Variants in CPAMD8 observed in about 807,000 individuals in gnomAD.
CPAMD8 encodes C3 and PZP like alpha-2-macroglobulin domain containing 8.
A neutral mutation model predicts 224.7 loss-of-function variants in CPAMD8; 146 were observed. The observed-to-expected ratio is 0.65, with a 90% CI of 0.57 to 0.75. CPAMD8 has a LOEUF of 0.75. Among genes scored for constraint, CPAMD8 ranks in the 30% least tolerant of loss-of-function variants. The pLI, the probability that CPAMD8 is intolerant of heterozygous loss-of-function variation, is 0.00. For missense variants in CPAMD8, 2,301 were observed against 2,537.5 expected (o/e 0.91, Z 2.00); for synonymous variants, 966 against 1,044.6 (o/e 0.92, Z 1.45).
At chr19:16,968,241 T>C (rs2054927184) in intron 18 of CPAMD8, among the ~76,000 whole-genome samples, 1 of 152,074 alleles carries the variant, frequency 6.6e-6, no homozygotes, top group Non-Finnish European at 1.5e-5. Context: ...AACTACAGTA[T>C]GAAGCCTAAT....
chr19:17,002,998 G>C (rs1568587651), intron 8 of CPAMD8, among the ~76,000 whole-genome samples: 1 of 150,340 alleles, frequency 6.7e-6, no homozygotes, highest in Non-Finnish European at 1.5e-5. Flanking sequence ...CCTCCTCCTG[G>C]TTCAAGCAAT....
intron 18 of CPAMD8, among the ~76,000 whole-genome samples, chr19:16,962,123 C>A (rs949065328): frequency 6.6e-6 from 1 of 152,188 alleles, no homozygotes; most frequent in Non-Finnish European, 1.5e-5. Context: ...AAAACCTGCG[C>A]GCCTCTTCTC....
At chr19:16,985,207 T>A (rs2055671134) in intron 13 of CPAMD8, among the ~76,000 whole-genome samples, 1 of 152,120 alleles carries the variant, frequency 6.6e-6, no homozygotes, top group Non-Finnish European at 1.5e-5. Flanking sequence ...AATAGATGGA[T>A]GCGTGAATTG....
At chr19:17,016,898 T>G (rs547465566) in intron 3 of CPAMD8, among the ~76,000 whole-genome samples, 1 of 151,644 alleles carries the variant, frequency 6.6e-6, no homozygotes, top group Non-Finnish European at 1.5e-5. Context: ...CTTTTTTTTT[T>G]TTTCTTTTTT....
intron 29 of CPAMD8, among the ~76,000 whole-genome samples, chr19:16,908,222 G>A (rs1224946850): frequency 6.6e-6 from 1 of 152,066 alleles, no homozygotes. Context: ...AGCCAGGCGT[G>A]GTGGTGGGCG....
intron 30 of CPAMD8, among the ~76,000 whole-genome samples, 185 bp downstream of exon 30, chr19:16,906,767 T>A (rs569415097): frequency 6.6e-6 from 1 of 152,222 alleles, no homozygotes; most frequent in Non-Finnish European, 1.5e-5. Flanking sequence ...TGGAGTGCAA[T>A]GGCGCGATCT....
chr19:16,906,391 TTTCTTTCTTTCTTTCTTTCCTTCCTTCC>T (rs1165506384), intron 30 of CPAMD8, among the ~76,000 whole-genome samples: 1 of 78,742 alleles, frequency 1.3e-5, no homozygotes, highest in Non-Finnish European at 3.1e-5. Context: ...TCTTTCTTTC[TTTCTTTCTTTCTTTCTTTCCTTCCTTCC>T]TTCCTTCCTT....
intron 3 of CPAMD8, among the ~76,000 whole-genome samples, chr19:17,012,604 C>T (rs960637933): frequency 4.6e-5 from 7 of 152,230 alleles, no homozygotes; most frequent in Admixed American, 1.3e-4. Context: ...CCACCTCAGC[C>T]TCAGATTACA....
intron 30 of CPAMD8, among the ~76,000 whole-genome samples, chr19:16,906,362 CTTTCTTTCTTTCTTTCTTT>C (rs1240546986): frequency 4.1e-5 from 2 of 48,414 alleles, no homozygotes; most frequent in African/African-American, 1.5e-4. Context: ...TTCTTTCTTT[CTTTCTTTCTTTCTTTCTTT>C]CTTTCTTTCT....
At position 16,993,520 on chromosome 19, in the gene CPAMD8, T is replaced by C; in HGVS notation, c.1162A>G (p.Thr388Ala). Residue 388 changes from threonine to alanine, a missense_variant, in exon 12 of 42, where the codon ACA becomes GCA. This residue lies in a region of CPAMD8 where 301 missense variants were observed against 406.6 expected (regional missense o/e 0.74). Coordinates refer to ENST00000443236, the MANE Select transcript of CPAMD8 (RefSeq NM_015692.5). The part of the protein sequence containing the change: ...GVTVQIKAEL[T>A]PKDNIYTSEV... ...CTGGTGTAGATGTTATCCTTTGGTG[T>C]CAGCTCTGCCTTAATCTGGACCGTC... 4 of 1,614,104 alleles carry C rather than the reference T, an allele frequency of 2.5e-6. No homozygotes were observed. Among genetic ancestry groups the C allele is most frequent in the Non-Finnish European group, 3.4e-6 (4 of 1,180,002 alleles).
At chr19:16,905,585 AAG>A (rs2052446146) in intron 30 of CPAMD8, among the ~76,000 whole-genome samples, 1 of 150,670 alleles carries the variant, frequency 6.6e-6, no homozygotes, top group South Asian at 2.1e-4. Flanking sequence ...AAAAAAAAAA[AAG>A]AAAAAGGCTC....
At chr19:17,014,827 T>C (rs1445884736) in intron 3 of CPAMD8, among the ~76,000 whole-genome samples, 1 of 152,138 alleles carries the variant, frequency 6.6e-6, no homozygotes, top group African/African-American at 2.4e-5. Context: ...CCATATTACC[T>C]CCCTCTATGT....
chr19:16,961,223 G>A (rs62125975), intron 18 of CPAMD8, among the ~76,000 whole-genome samples: 27,909 of 152,144 alleles, frequency 0.18, 2,841 homozygotes, highest in Admixed American at 0.25. Flanking sequence ...CGCCTTACCC[G>A]GGAAGCACAA....
Position 16,895,976 on chromosome 19 carries a change from G to A in CPAMD8, c.5426+200C>T, listed in dbSNP as rs2227367. On this transcript the variant is annotated intron_variant, in intron 41 of 41. Transcript: ENST00000443236. ...CTGTTCGCTGGTGGGTGTTGCGTGGGCCAGGGTGGAGGGAGGATGAATGTC... is the reference window on the plus strand; with the variant it reads ...CTGTTCGCTGGTGGGTGTTGCGTGGACCAGGGTGGAGGGAGGATGAATGTC... The A allele has an allele frequency of 0.29, 205,196 of 704,508 alleles. 32,803 individuals carry two copies. Among genetic ancestry groups the A allele is most frequent in the Non-Finnish European group, 0.34 (132,092 of 390,258 alleles). 43.6% of individuals were successfully genotyped at this position (704,508 alleles called of 1,614,324 possible).
At chr19:16,928,769 GT>G (rs140892830) in intron 24 of CPAMD8, among the ~76,000 whole-genome samples, 172 bp downstream of exon 24, 1,601 of 127,718 alleles carry the variant, frequency 0.013, 8 homozygotes, top group African/African-American at 0.02. Flanking sequence ...CTTGCTACAT[GT>G]TTTTTTTTTT....
At chr19:16,974,444 A>C (rs1157376488) in intron 17 of CPAMD8, among the ~76,000 whole-genome samples, 1 of 151,608 alleles carries the variant, frequency 6.6e-6, no homozygotes, top group Non-Finnish European at 1.5e-5. Flanking sequence ...TGCCAGACAC[A>C]CAACCAAGTT....
rs536820050 is a variant in CPAMD8, at chr19:17,014,693, C to T, written c.268-2936G>A. 2.0e-5 allele frequency among the ~76,000 whole-genome samples: 3 copies of T among 152,298 alleles called. No individual in the cohort carries two copies. In the East Asian group the frequency reaches 5.8e-4, roughly 29 times the overall value. On this transcript the variant is annotated intron_variant, in intron 3 of 41. Transcript: ENST00000443236. ...AGCTCTTGTGAGACTTATTCATTAC[C>T]ATGAGAACAGTATGGGGGAAACCAC...
At chr19:16,897,534 C>CAGGCAG (rs2052068257) in intron 39 of CPAMD8, 157 bp downstream of exon 39, 1 of 567,468 alleles carries the variant, frequency 1.8e-6, no homozygotes, top group East Asian at 3.2e-5. Flanking sequence ...CTCCCCCGTA[C>CAGGCAG]AGGCAGAGCG....
chr19:17,008,029 C>T (rs1255389181), intron 7 of CPAMD8, among the ~76,000 whole-genome samples: 3 of 152,240 alleles, frequency 2.0e-5, no homozygotes, highest in South Asian at 2.1e-4. Flanking sequence ...ATAAGCCAGG[C>T]GTGGTGCCAT....
Sources: allele counts gnomAD v4.1 joint callset (sites outside exome capture counted in the v4.1 genomes callset), GRCh38; gene constraint gnomAD v4.1.1; regional missense constraint gnomAD v4.1.1; transcripts MANE v1.5; gene names NCBI Gene and HGNC (gene_info 2026-07-23, HGNC 2026-07-21).